AFG2A: variants seen among roughly 807,000 people sequenced by gnomAD.
AFG2A encodes the protein ATPase family gene 2 protein homolog A.
chr4:123,217,707 A>G, the AFG2A span, among the ~76,000 whole-genome samples: 12 of 152,148 alleles, frequency 7.9e-5, no homozygotes, highest in Non-Finnish European at 1.3e-4. Context: ...AAGCAATCAC[A>G]TTTTTATATA....
chr4:123,192,860 A>G, the AFG2A span, among the ~76,000 whole-genome samples: 17 of 152,266 alleles, frequency 1.1e-4, no homozygotes, highest in Non-Finnish European at 1.5e-5. Context: ...TATCAAGTAA[A>G]TAAACTGGCT....
the AFG2A span, among the ~76,000 whole-genome samples, chr4:123,228,527 A>C: frequency 6.6e-6 from 1 of 152,174 alleles, no homozygotes; most frequent in Non-Finnish European, 1.5e-5. Flanking sequence ...TTCAAGTGCT[A>C]AGTGGATGAA....
chr4:123,311,452 C>T, the AFG2A span, among the ~76,000 whole-genome samples: 1 of 151,634 alleles, frequency 6.6e-6, no homozygotes, highest in Non-Finnish European at 1.5e-5. Context: ...ATGGTGAAAC[C>T]CCATCTCTAC....
the AFG2A span, among the ~76,000 whole-genome samples, chr4:123,290,866 A>G: frequency 6.6e-6 from 1 of 152,178 alleles, no homozygotes; most frequent in Non-Finnish European, 1.5e-5. Flanking sequence ...CACAGCCTCA[A>G]TGATCCATCT....
chr4:123,134,596 T>A, the AFG2A span, among the ~76,000 whole-genome samples: 1 of 19,318 alleles, frequency 5.2e-5, no homozygotes, highest in Non-Finnish European at 3.2e-4. Flanking sequence ...AATTTTAGGA[T>A]TTTTTTTTTT....
the AFG2A span, among the ~76,000 whole-genome samples, chr4:123,132,843 C>T: frequency 3.5e-5 from 5 of 144,748 alleles, no homozygotes; most frequent in South Asian, 4.3e-4. Context: ...TGCAGTGGTG[C>T]GATCTTGGCT....
At chr4:123,239,914 T>A in the AFG2A span, among the ~76,000 whole-genome samples, 1 of 152,284 alleles carries the variant, frequency 6.6e-6, no homozygotes, top group South Asian at 2.1e-4. Flanking sequence ...CCCATCAGTG[T>A]GCTGTATTCA....
the AFG2A span, among the ~76,000 whole-genome samples, chr4:123,047,292 A>AAGATAAG: frequency 6.6e-6 from 1 of 152,148 alleles, no homozygotes; most frequent in South Asian, 2.1e-4. Flanking sequence ...TAACCATTCT[A>AAGATAAG]ACTTGCATAA....
At chr4:123,027,077 G>T in the AFG2A span, among the ~76,000 whole-genome samples, 1 of 151,962 alleles carries the variant, frequency 6.6e-6, no homozygotes, top group Non-Finnish European at 1.5e-5. Context: ...TATCCTTCCA[G>T]TGAGTTTTCA....
chr4:123,298,828 T>A, the AFG2A span, among the ~76,000 whole-genome samples: 1 of 152,338 alleles, frequency 6.6e-6, no homozygotes, highest in African/African-American at 2.4e-5. Context: ...TTTGTTGATG[T>A]GTGTGGGGGG....
the AFG2A span, among the ~76,000 whole-genome samples, chr4:123,309,418 C>G: frequency 3.9e-5 from 6 of 152,242 alleles, no homozygotes; most frequent in East Asian, 7.7e-4. Flanking sequence ...TATAGGGGTA[C>G]TAATTCTGTC....
At chr4:123,285,170 T>A in the AFG2A span, among the ~76,000 whole-genome samples, 3 of 152,066 alleles carry the variant, frequency 2.0e-5, no homozygotes, top group Non-Finnish European at 4.4e-5. Flanking sequence ...TCTCCAATTA[T>A]AATAACCAGC....
At chr4:123,309,761 A>G in the AFG2A span, among the ~76,000 whole-genome samples, 2 of 152,212 alleles carry the variant, frequency 1.3e-5, no homozygotes, top group Admixed American at 1.3e-4. Flanking sequence ...TCAGATTACA[A>G]ATGTTCAACC....
chr4:123,062,698 A>G, the AFG2A span, among the ~76,000 whole-genome samples: 1 of 152,346 alleles, frequency 6.6e-6, no homozygotes, highest in Admixed American at 6.5e-5. Flanking sequence ...GGTAGTGGTA[A>G]CAAAATGCTT....
the AFG2A span, among the ~76,000 whole-genome samples, chr4:123,105,508 T>A: frequency 3.3e-4 from 50 of 152,286 alleles, 1 homozygote; most frequent in East Asian, 8.9e-3. Flanking sequence ...TTCTTAAGGC[T>A]ATTGCTGCTG....
At chr4:122,981,243 T>C in the AFG2A span, among the ~76,000 whole-genome samples, 1 of 152,198 alleles carries the variant, frequency 6.6e-6, no homozygotes, top group Non-Finnish European at 1.5e-5. Flanking sequence ...ATCATGTGGA[T>C]ATACAGTTTT....
At chr4:122,974,108 G>C in the AFG2A span, among the ~76,000 whole-genome samples, 1 of 151,826 alleles carries the variant, frequency 6.6e-6, no homozygotes, top group Non-Finnish European at 1.5e-5. Flanking sequence ...TCTGTAGTTT[G>C]TATTAGAAAT....
the AFG2A span, among the ~76,000 whole-genome samples, chr4:122,951,067 T>G: frequency 6.6e-6 from 1 of 152,200 alleles, no homozygotes; most frequent in African/African-American, 2.4e-5. Context: ...TGTCTGCCTG[T>G]TGATTTCCAG....
chr4:123,083,268 T>G, the AFG2A span, among the ~76,000 whole-genome samples: 1 of 152,314 alleles, frequency 6.6e-6, no homozygotes, highest in Non-Finnish European at 1.5e-5. Flanking sequence ...GTAGGTTTTT[T>G]GTAGCTGTTC....
Sources: gnomAD v4.1 joint callset for allele counts (sites outside exome capture counted in the v4.1 genomes callset) on GRCh38, gnomAD v4.1.1 for gene constraint, MANE v1.5 for transcripts, NCBI Gene and HGNC (gene_info 2026-07-23, HGNC 2026-07-21) for gene names.